Variants in PNLIP observed in about 807,000 individuals in gnomAD.
PNLIP encodes pancreatic lipase.
A neutral mutation model predicts 57.1 loss-of-function variants in PNLIP; 49 were observed. The observed-to-expected ratio is 0.86, with a 90% CI of 0.68 to 1.09. The LOEUF is 1.09. Ranked by LOEUF, PNLIP falls within the 50% of genes least tolerant of loss-of-function variation. PNLIP has a pLI of 0.00. For synonymous variants in PNLIP, 209 were observed against 200.4 expected, an observed-to-expected ratio of 1.04 and a Z score of -0.36; for missense variants, 503 against 570.2, an observed-to-expected ratio of 0.88 and a Z score of 1.20.
In PNLIP at chr10:116,550,864, G is replaced by A. The variant is rs112936957; in HGVS notation, c.325-234G>A. On this transcript the variant is annotated intron_variant, in intron 4 of 12. Coordinates refer to ENST00000369221, the MANE Select transcript of PNLIP (RefSeq NM_000936.4). Reference sequence around the variant, plus strand: ...ACTAAATGTCTCTGTATCTGCTACAGTAGAAATCCCAAGAATCCAGTTCCC... The same window carrying A: ...ACTAAATGTCTCTGTATCTGCTACAATAGAAATCCCAAGAATCCAGTTCCC... 3.7e-3 allele frequency among the ~76,000 whole-genome samples: 559 copies of A among 152,300 alleles called. 4 individuals are homozygous for A. The highest frequency in any genetic ancestry group is 0.013 in the African/African-American group (529 of 41,554).
intron 8 of PNLIP, among the ~76,000 whole-genome samples, chr10:116,555,735 G>A (rs533816231): frequency 1.3e-5 from 2 of 152,160 alleles, no homozygotes; most frequent in Non-Finnish European, 2.9e-5. Context: ...CAGGGAATGA[G>A]CTTTTATTTA....
At chr10:116,557,712 T>A (rs1847267627) in intron 9 of PNLIP, among the ~76,000 whole-genome samples, 1 of 152,170 alleles carries the variant, frequency 6.6e-6, no homozygotes, top group Non-Finnish European at 1.5e-5. Context: ...TTGCCTTCAC[T>A]GTAGAGTAGC....
chr10:116,556,236 C>T (rs1847252582), intron 9 of PNLIP, 118 bp downstream of exon 9: 1 of 654,520 alleles, frequency 1.5e-6, no homozygotes, highest in Non-Finnish European at 2.7e-6. Flanking sequence ...CTTATACATG[C>T]CTTTAATTAT....
chr10:116,553,850 CAG>C lies in PNLIP; in HGVS notation c.571+13_571+14del, dbSNP rs779495530. ...TGGACGCATCACAGGTTGGTGAAAACAGTGAAAGATACCAGGGGGGTTGAGGC... is the reference window on the plus strand; with the variant it reads ...TGGACGCATCACAGGTTGGTGAAAACTGAAAGATACCAGGGGGGTTGAGGC... On this transcript the variant is annotated intron_variant, in intron 6 of 12. Coordinates refer to ENST00000369221, the MANE Select transcript of PNLIP (RefSeq NM_000936.4). 6.5e-7 allele frequency: 1 copy of C among 1,534,008 alleles called. No individual in the cohort carries two copies. Among genetic ancestry groups the C allele is most frequent in the South Asian group, 1.1e-5 (1 of 87,778 alleles).
At chr10:116,551,048 T>C in intron 4 of PNLIP, 50 bp from the exon 5 acceptor site, 1 of 1,457,444 alleles carries the variant, frequency 6.9e-7, no homozygotes, top group Non-Finnish European at 9.3e-7. Context: ...TAACTAGTAA[T>C]TAATAAAGAT....
rs1317336370 is a variant in PNLIP at position 116,553,749 on chromosome 10, C to A, written c.482C>A (p.Ser161Tyr). ...CAGTCGGCGTTCGGTTACTCACCTTCCAATGTGCATGTCATTGGCCACAGC... is the reference window on the plus strand; with the variant it reads ...CAGTCGGCGTTCGGTTACTCACCTTACAATGTGCATGTCATTGGCCACAGC... Reference protein sequence around the residue: ...FLQSAFGYSPSNVHVIGHSLG... With the variant: ...FLQSAFGYSPYNVHVIGHSLG... Residue 161 changes from serine (S) to tyrosine (Y), a missense_variant, in exon 6 of 13, where the codon TCC becomes TAC. Physicochemically the swap from Ser to Tyr is moderately radical, Grantham distance 144. Transcript: ENST00000369221. 6.2e-7 allele frequency: 1 copy of A among 1,612,786 alleles called. No individual in the cohort carries two copies. Among genetic ancestry groups the A allele is most frequent in the Non-Finnish European group, 8.5e-7 (1 of 1,179,014 alleles).
At chr10:116,549,345 G>A (rs1051259921) in intron 4 of PNLIP, among the ~76,000 whole-genome samples, 1 of 152,096 alleles carries the variant, frequency 6.6e-6, no homozygotes, top group Non-Finnish European at 1.5e-5. Flanking sequence ...CAGGTATGGT[G>A]GCACGCACCT....
rs544206190 is a variant in PNLIP at position 116,565,089 on chromosome 10, C to CT, written c.1335-2645dup. 2.4e-4 allele frequency among the ~76,000 whole-genome samples: 37 copies of CT among 151,778 alleles called. No homozygotes were observed. The South Asian group carries it at 7.7e-3, about 32-fold the overall frequency. ...TGGCTAACACGGTGAAACCCCGTCT[C>CT]TACTAAATACACGACGCAGGCGTGG... On this transcript the variant is annotated intron_variant, in intron 12 of 12. Coordinates refer to ENST00000369221, the MANE Select transcript of PNLIP (RefSeq NM_000936.4).
At chr10:116,551,434 GT>G (rs1215163866) in intron 5 of PNLIP, 3 of 375,866 alleles carry the variant, frequency 8.0e-6, no homozygotes, top group Non-Finnish European at 1.4e-5. Flanking sequence ...TAATAAACTA[GT>G]TTTTTTAAGT....
At chr10:116,554,802 GTGCAGTGAA>G (rs1051204859) in intron 6 of PNLIP, among the ~76,000 whole-genome samples, 41 of 152,314 alleles carry the variant, frequency 2.7e-4, no homozygotes, top group African/African-American at 9.1e-4. Context: ...GCCAGGTGCT[GTGCAGTGAA>G]TGCCTGTGGT....
chr10:116,553,082 C>T (rs1214710376), intron 5 of PNLIP, among the ~76,000 whole-genome samples: 1 of 152,116 alleles, frequency 6.6e-6, no homozygotes, highest in Non-Finnish European at 1.5e-5. Context: ...ATGGTAAATG[C>T]CCTCTACAGA....
chr10:116,555,464 G>C lies in PNLIP; in HGVS notation c.768G>C (p.Lys256Asn). The C allele has an allele frequency of 2.5e-6, 4 of 1,614,134 alleles. No individual in the cohort carries two copies. Among genetic ancestry groups the C allele is most frequent in the South Asian group, 1.1e-5 (1 of 91,064 alleles). Residue 256 changes from lysine to asparagine, a missense_variant, in exon 8 of 13, where the codon AAG becomes AAC. By Grantham distance (94) the Lys-to-Asn change is moderately conservative. Transcript: ENST00000369221. ...GAGTGGAAATGCCTGGATGTAAAAA[G>C]AACATTCTCTCTCAGATTGTGGACA... is the stretch of plus-strand genomic sequence containing the variant. ...NGGVEMPGCK[K>N]NILSQIVDID...
rs2133202052 is a variant in PNLIP at position 116,553,799 on chromosome 10, G to A, written c.532G>A (p.Ala178Thr). The A allele has an allele frequency of 1.2e-6, 2 of 1,613,144 alleles. No individual in the cohort carries two copies. Among genetic ancestry groups the A allele is most frequent in the East Asian group, 2.2e-5 (1 of 44,848 alleles). The change falls in exon 6 of 13, where the codon GCT becomes ACT. Residue 178 changes from alanine (A) to threonine (T), a missense_variant. By Grantham distance (58) the Ala-to-Thr change is moderately conservative. Coordinates refer to ENST00000369221, the MANE Select transcript of PNLIP (RefSeq NM_000936.4). ...CCTGGGTGCCCACGCTGCTGGGGAGGCTGGAAGGAGAACCAATGGGACCAT... is the reference window on the plus strand; with the variant it reads ...CCTGGGTGCCCACGCTGCTGGGGAGACTGGAAGGAGAACCAATGGGACCAT... ...HSLGAHAAGE[A>T]GRRTNGTIGR...
intron 6 of PNLIP, 135 bp downstream of exon 6, chr10:116,553,973 T>C: frequency 1.9e-6 from 1 of 533,672 alleles, no homozygotes; most frequent in Non-Finnish European, 3.2e-6. Context: ...AAAAGGACGC[T>C]ACAAACTTAG....
At chr10:116,547,541 A>G in intron 3 of PNLIP, 93 bp downstream of exon 3, 2 of 984,686 alleles carry the variant, frequency 2.0e-6, no homozygotes, top group Non-Finnish European at 3.1e-6. Context: ...GCTGGCTAAC[A>G]TGGTGAAACC....
intron 5 of PNLIP, among the ~76,000 whole-genome samples, chr10:116,553,028 C>A (rs997773626): frequency 6.6e-6 from 1 of 152,230 alleles, no homozygotes; most frequent in Non-Finnish European, 1.5e-5. Flanking sequence ...ACCACTTACT[C>A]CATGACTTGC....
intron 9 of PNLIP, among the ~76,000 whole-genome samples, chr10:116,558,017 G>A (rs1326895803): frequency 6.6e-6 from 1 of 151,594 alleles, no homozygotes; most frequent in African/African-American, 2.4e-5. Flanking sequence ...CACTTTGGGA[G>A]GCCGAGGCAG....
intron 9 of PNLIP, among the ~76,000 whole-genome samples, chr10:116,558,133 A>G (rs1041323378): frequency 6.6e-6 from 1 of 151,132 alleles, no homozygotes; most frequent in African/African-American, 2.4e-5. Flanking sequence ...TTGTCCTCCT[A>G]ATAAATTCTA....
At position 116,549,318 on chromosome 10, in the gene PNLIP, C is replaced by T. The variant is rs188150585; in HGVS notation, c.324+836C>T. 4.4e-3 allele frequency among the ~76,000 whole-genome samples: 672 copies of T among 151,714 alleles called. 4 individuals are homozygous for T. Among genetic ancestry groups the T allele is most frequent in the African/African-American group, 0.015 (639 of 41,394 alleles). ...CGGTGAAACCCCGTCTCTACTAAAA[C>T]TATAAAAAAAATTAGCCAGGTATGG... On this transcript the variant is annotated intron_variant, in intron 4 of 12. Transcript: ENST00000369221.
Sources: gnomAD v4.1 joint callset for allele counts (sites outside exome capture counted in the v4.1 genomes callset) on GRCh38, gnomAD v4.1.1 for gene constraint, MANE v1.5 for transcripts, NCBI Gene and HGNC (gene_info 2026-07-23, HGNC 2026-07-21) for gene names.